GALNT14: variants seen among roughly 807,000 people sequenced by gnomAD.
The protein encoded by GALNT14 is polypeptide N-acetylgalactosaminyltransferase 14.
GALNT14 carries 60 observed loss-of-function variants against 77.5 expected under a neutral mutation model. The observed-to-expected ratio is 0.77, with a 90% CI of 0.63 to 0.96. The LOEUF (loss-of-function observed/expected upper bound fraction) is 0.96. Ranked by LOEUF, GALNT14 falls within the 40% of genes least tolerant of loss-of-function variation. The pLI, the probability that GALNT14 is intolerant of heterozygous loss-of-function variation, is 0.00. For missense variants in GALNT14, 710 were observed against 731.0 expected (o/e 0.97, Z 0.33); for synonymous variants, 280 against 281.7 (o/e 0.99, Z 0.06).
chr2:31,074,706 C>T (rs950894043), intron 1 of GALNT14, among the ~76,000 whole-genome samples: 2 of 152,148 alleles, frequency 1.3e-5, no homozygotes, highest in African/African-American at 4.8e-5. Flanking sequence ...AGAGAGAGAA[C>T]ACTCATGCGA....
chr2:31,128,013 A>G (rs1415782069), intron 1 of GALNT14, among the ~76,000 whole-genome samples: 3 of 152,194 alleles, frequency 2.0e-5, no homozygotes, highest in African/African-American at 7.2e-5. Flanking sequence ...CTTAGAGCAG[A>G]GTACCAACTT....
chr2:31,064,268 C>T lies in GALNT14; in HGVS notation c.130-71261G>A, dbSNP rs537873358. Among the ~76,000 whole-genome samples the T allele has an allele frequency of 6.6e-5, 10 of 152,346 alleles. No individual in the cohort carries two copies. In the East Asian group the frequency reaches 7.7e-4, roughly 12 times the overall value. On this transcript the variant is annotated intron_variant, in intron 1 of 14. Coordinates refer to ENST00000349752, the MANE Select transcript of GALNT14 (RefSeq NM_024572.4). ...AAATGTAAAAGAATGTCTCTGCCCA[C>T]GCAGCTGTCACTGGCTCCCAGGAAA...
chr2:31,128,976 A>AC (rs199917589), intron 1 of GALNT14, among the ~76,000 whole-genome samples: 20 of 117,268 alleles, frequency 1.7e-4, no homozygotes, highest in African/African-American at 8.1e-4. Context: ...TGAAAAAAAA[A>AC]AAAAACACAC....
intron 11 of GALNT14, among the ~76,000 whole-genome samples, 162 bp downstream of exon 11, chr2:30,929,233 G>A (rs1302265137): frequency 6.6e-6 from 1 of 152,236 alleles, no homozygotes; most frequent in East Asian, 1.9e-4. Context: ...CACATCCAGA[G>A]CTGGGCAGGA....
At chr2:30,913,170 T>TG (rs77782387) in intron 13 of GALNT14, among the ~76,000 whole-genome samples, 41,093 of 151,962 alleles carry the variant, frequency 0.27, 5,636 homozygotes, top group East Asian at 0.32. Flanking sequence ...CTTAAGTCAG[T>TG]GGGGCAGAAA....
intron 1 of GALNT14, among the ~76,000 whole-genome samples, chr2:31,021,790 T>C (rs1671736817): frequency 6.6e-6 from 1 of 152,204 alleles, no homozygotes; most frequent in African/African-American, 2.4e-5. Flanking sequence ...TGTTGAGTCC[T>C]GGTGCAGCAG....
chr2:30,939,020 C>T (rs1423288449), intron 9 of GALNT14, among the ~76,000 whole-genome samples: 1 of 152,202 alleles, frequency 6.6e-6, no homozygotes, highest in Non-Finnish European at 1.5e-5. Flanking sequence ...ATATATATTG[C>T]CCTTCCCATC....
intron 1 of GALNT14, among the ~76,000 whole-genome samples, chr2:31,026,590 C>T (rs1340440125): frequency 6.6e-6 from 1 of 152,202 alleles, no homozygotes; most frequent in Non-Finnish European, 1.5e-5. Flanking sequence ...TCCTGAGGCT[C>T]TTGTGCTTAT....
chr2:30,901,689 A>ATG, the GALNT14 span, among the ~76,000 whole-genome samples: 6 of 151,954 alleles, frequency 3.9e-5, no homozygotes, highest in East Asian at 3.9e-4. Context: ...GTGTATATAT[A>ATG]TGTGTGTGTG....
At chr2:31,049,016 T>C (rs1862985) in intron 1 of GALNT14, among the ~76,000 whole-genome samples, 113,480 of 152,090 alleles carry the variant, frequency 0.75, 42,613 homozygotes, top group East Asian at 0.99. Context: ...CCCTTGTGAA[T>C]GAGAAGGGAG....
intron 3 of GALNT14, among the ~76,000 whole-genome samples, chr2:30,962,537 T>C (rs1334496508): frequency 6.6e-6 from 1 of 152,214 alleles, no homozygotes; most frequent in Non-Finnish European, 1.5e-5. Flanking sequence ...ACATGCAGAC[T>C]CACTGCATCA....
In GALNT14 at chr2:31,138,254, A is replaced by C; in HGVS notation, c.-168T>G. ...CCTGCAAGGCGCCCTTCCCGCTTCG[A>C]AGAGAAGCGAGCCTGGGTGGGGGGT... On this transcript the variant is annotated 5_prime_UTR_variant, in exon 1 of 15. Transcript: ENST00000349752. 1.2e-6 allele frequency: 1 copy of C among 810,314 alleles called. No homozygotes were observed. The highest frequency in any genetic ancestry group is 2.7e-5 in the East Asian group (1 of 36,588). 50.2% of individuals were successfully genotyped at this position (810,314 alleles called of 1,614,324 possible).
At chr2:31,027,123 C>T (rs763704457) in intron 1 of GALNT14, among the ~76,000 whole-genome samples, 2 of 152,208 alleles carry the variant, frequency 1.3e-5, no homozygotes, top group Non-Finnish European at 2.9e-5. Context: ...AACACAGGCC[C>T]TTGCATGAGT....
chr2:31,125,147 A>G (rs1401096736), intron 1 of GALNT14: 1 of 1,544,648 alleles, frequency 6.5e-7, no homozygotes, highest in Non-Finnish European at 8.8e-7. Context: ...ACACACAGTC[A>G]ACCTACCTGT....
At chr2:30,988,609 A>ACT (rs1301032826) in intron 2 of GALNT14, among the ~76,000 whole-genome samples, 2 of 151,908 alleles carry the variant, frequency 1.3e-5, no homozygotes, top group African/African-American at 4.8e-5. Context: ...CAGGGCCTCT[A>ACT]CTCTCGACTC....
chr2:31,078,841 G>A lies in GALNT14; in HGVS notation c.129+59117C>T. ...GGCAAGGGGCGAGATATAGGCCTGG[G>A]AGAACCCAGGCACAGGAGAGCAGGG... On this transcript the variant is annotated intron_variant, in intron 1 of 14. Coordinates refer to ENST00000349752, the MANE Select transcript of GALNT14 (RefSeq NM_024572.4). The A allele has an allele frequency of 3.5e-6, 4 of 1,130,218 alleles. No individual in the cohort carries two copies. The South Asian group carries it at 4.0e-5, about 11-fold the overall frequency. 70.0% of individuals were successfully genotyped at this position (1,130,218 alleles called of 1,614,324 possible). A position where few individuals can be genotyped will look rare whatever the true frequency, so the allele number is the denominator to read the frequency against.
intron 1 of GALNT14, among the ~76,000 whole-genome samples, chr2:31,004,672 G>A (rs532935077): frequency 6.6e-6 from 1 of 152,268 alleles, no homozygotes; most frequent in Admixed American, 6.5e-5. Context: ...GGACAGGGAG[G>A]GGCCGAGTCA....
intron 1 of GALNT14, among the ~76,000 whole-genome samples, chr2:31,077,979 A>G (rs561573046): frequency 6.6e-6 from 1 of 152,372 alleles, no homozygotes; most frequent in African/African-American, 2.4e-5. Flanking sequence ...TGACAGAGTG[A>G]GACCAGGCCA....
chr2:31,132,525 G>A (rs1200944522), intron 1 of GALNT14: 9 of 334,720 alleles, frequency 2.7e-5, no homozygotes, highest in Non-Finnish European at 5.4e-5. Context: ...GAAAGGATGA[G>A]CATGCATCTC....
Sources: allele counts gnomAD v4.1 joint callset (sites outside exome capture counted in the v4.1 genomes callset), GRCh38; gene constraint gnomAD v4.1.1; transcripts MANE v1.5; gene names NCBI Gene and HGNC (gene_info 2026-07-23, HGNC 2026-07-21).